The following SHANK2 variants were observed in gnomAD, a reference collection of about 807,000 sequenced individuals.
SHANK2 encodes the protein SH3 and multiple ankyrin repeat domains protein 2.
A neutral mutation model predicts 133.7 loss-of-function variants in SHANK2; 43 were observed. The observed-to-expected ratio is 0.32, with a 90% CI of 0.25 to 0.41. The LOEUF (loss-of-function observed/expected upper bound fraction) is 0.41, where lower values mean the gene tolerates loss of function less well. Ranked by LOEUF, SHANK2 falls within the 10% of genes least tolerant of loss-of-function variation. The probability of loss-of-function intolerance (pLI) is 1.00; values close to 1 mark genes in which losing one functional copy is unlikely to be tolerated. For synonymous variants in SHANK2, 1,017 were observed against 952.8 expected, an observed-to-expected ratio of 1.07 and a Z score of -1.24; for missense variants, 1,994 against 2,235.8, an observed-to-expected ratio of 0.89 and a Z score of 2.18.
intron 10 of SHANK2, chr11:70,908,093 C>T (rs1950134796): frequency 4.6e-6 from 1 of 218,412 alleles, no homozygotes; most frequent in East Asian, 1.4e-4. Context: ...GAGAGTCCAT[C>T]TCAAAAAAAA....
chr11:70,770,507 C>T (rs936523975), intron 14 of SHANK2, among the ~76,000 whole-genome samples: 1 of 152,220 alleles, frequency 6.6e-6, no homozygotes, highest in Non-Finnish European at 1.5e-5. Context: ...GTGCCTGGAG[C>T]GGCCAATGAG....
chr11:70,930,378 G>A (rs1392322042), intron 10 of SHANK2, among the ~76,000 whole-genome samples: 3 of 152,212 alleles, frequency 2.0e-5, no homozygotes, highest in Non-Finnish European at 4.4e-5. Flanking sequence ...ACCTTTAGAC[G>A]CAGTTACCAG....
At chr11:70,656,265 A>C (rs1205889426) in intron 17 of SHANK2, among the ~76,000 whole-genome samples, 4 of 152,138 alleles carry the variant, frequency 2.6e-5, no homozygotes, top group Non-Finnish European at 5.9e-5. Flanking sequence ...GCTTCCTGAC[A>C]AGCTCTAATC....
In SHANK2 at chr11:70,569,305, C is replaced by T. The variant is rs911401491; in HGVS notation, c.2062-66374G>A. 2.6e-5 allele frequency among the ~76,000 whole-genome samples: 4 copies of T among 152,172 alleles called. No homozygotes were observed. Among genetic ancestry groups the T allele is most frequent in the Admixed American group, 6.5e-5 (1 of 15,282 alleles). ...CGCTGGGGTCCTGGGGGGTCAGGCT[C>T]GGGAGCGTCTGGGGTGATCCTGCTC... is the stretch of plus-strand genomic sequence containing the variant. On this transcript the variant is annotated intron_variant, in intron 17 of 25. Coordinates refer to ENST00000601538, the MANE Select transcript of SHANK2 (RefSeq NM_012309.5). The surrounding 1 kb of genome is among the most constrained non-coding windows in gnomAD (Gnocchi z 5.1).
rs570831522 is a variant in SHANK2 at position 70,618,908 on chromosome 11, C to T, written c.2061+40920G>A. Among the ~76,000 whole-genome samples, 8 of 152,306 alleles carry T rather than the reference C, an allele frequency of 5.3e-5. No individual in the cohort carries two copies. The East Asian group carries it at 9.7e-4, about 18-fold the overall frequency. ...CCCTGAGAGGCGTATCCAGGGCAGG[C>T]GAGCTTCTCTGGGACAGGGGACACA... On this transcript the variant is annotated intron_variant, in intron 17 of 25. Coordinates refer to ENST00000601538, the MANE Select transcript of SHANK2 (RefSeq NM_012309.5).
intron 14 of SHANK2, among the ~76,000 whole-genome samples, chr11:70,749,223 A>T (rs1178031888): frequency 6.6e-6 from 1 of 152,200 alleles, no homozygotes; most frequent in Admixed American, 6.5e-5. Context: ...GTGAGAGGAG[A>T]GCCCTGGAGG....
chr11:71,107,848 A>C (rs571894366), intron 6 of SHANK2, among the ~76,000 whole-genome samples: 3 of 152,356 alleles, frequency 2.0e-5, no homozygotes, highest in African/African-American at 7.2e-5. Flanking sequence ...GGCTTGGCTC[A>C]GGACAGGGGC....
intron 14 of SHANK2, among the ~76,000 whole-genome samples, chr11:70,732,316 T>C (rs1444144098): frequency 2.6e-5 from 4 of 152,218 alleles, no homozygotes; most frequent in African/African-American, 9.6e-5. Context: ...GGACCCTTCT[T>C]GCTGCCCATT....
intron 17 of SHANK2, among the ~76,000 whole-genome samples, chr11:70,564,056 C>T (rs1554981366): frequency 1.3e-5 from 2 of 152,078 alleles, no homozygotes; most frequent in Non-Finnish European, 2.9e-5. Flanking sequence ...CTTTTATCCC[C>T]ATGTGGCTGC....
At chr11:71,127,923 A>G (rs189869188) in intron 3 of SHANK2, among the ~76,000 whole-genome samples, 7 of 152,340 alleles carry the variant, frequency 4.6e-5, no homozygotes, top group Admixed American at 2.6e-4. Context: ...GGCTGCATAC[A>G]ACCCCGCGCC....
At chr11:70,632,965 C>T (rs946995966) in intron 17 of SHANK2, among the ~76,000 whole-genome samples, 10 of 151,960 alleles carry the variant, frequency 6.6e-5, no homozygotes, top group African/African-American at 2.4e-4. Flanking sequence ...TTGATGGATA[C>T]GGGGCAGGGG....
intron 14 of SHANK2, among the ~76,000 whole-genome samples, chr11:70,788,616 T>C (rs1947720483): frequency 6.6e-6 from 1 of 152,056 alleles, no homozygotes; most frequent in African/African-American, 2.4e-5. Context: ...AGGCACCCAA[T>C]GGGGGTCTTG....
At chr11:70,815,173 GAAACACACACAC>G (rs1279010085) in intron 12 of SHANK2, among the ~76,000 whole-genome samples, 1 of 117,962 alleles carries the variant, frequency 8.5e-6, no homozygotes, top group African/African-American at 3.3e-5. Flanking sequence ...GATGGGAGAA[GAAACACACACAC>G]ACACACACAC....
At chr11:70,612,292 G>A (rs1476313004) in intron 17 of SHANK2, among the ~76,000 whole-genome samples, 1 of 152,198 alleles carries the variant, frequency 6.6e-6, no homozygotes, top group Non-Finnish European at 1.5e-5. Flanking sequence ...AAACGCAGAG[G>A]GGAAAGGAAG....
intron 17 of SHANK2, among the ~76,000 whole-genome samples, chr11:70,653,004 G>T (rs976222496): frequency 6.6e-6 from 1 of 151,834 alleles, no homozygotes; most frequent in African/African-American, 2.4e-5. Flanking sequence ...ATGGAGTCTC[G>T]CTCTGTCACC....
intron 17 of SHANK2, among the ~76,000 whole-genome samples, chr11:70,627,214 A>C (rs1404109570): frequency 4.6e-5 from 7 of 152,250 alleles, no homozygotes; most frequent in African/African-American, 1.7e-4. Context: ...GCAGGTCTCC[A>C]CCCTCCTGAA....
chr11:70,642,263 T>G (rs2061193527), intron 17 of SHANK2, among the ~76,000 whole-genome samples: 1 of 151,642 alleles, frequency 6.6e-6, no homozygotes, highest in African/African-American at 2.4e-5. Context: ...TGAGATAAAT[T>G]TTCTCGCCTA....
chr11:70,681,177 C>A (rs12294800), intron 15 of SHANK2, among the ~76,000 whole-genome samples: 9,093 of 152,218 alleles, frequency 0.06, 913 homozygotes, highest in African/African-American at 0.21. Context: ...CACACAGCGG[C>A]ACCGGCTCTG....
intron 3 of SHANK2, among the ~76,000 whole-genome samples, chr11:71,135,348 C>G (rs1374804460): frequency 6.6e-6 from 1 of 152,192 alleles, no homozygotes; most frequent in African/African-American, 2.4e-5. Flanking sequence ...AGCTGCCCCC[C>G]AGGCGCTTAG....
Sources: gnomAD v4.1 joint callset for allele counts (sites outside exome capture counted in the v4.1 genomes callset) on GRCh38, gnomAD v4.1.1 for gene constraint, Gnocchi (gnomAD v3.1) non-coding constraint, MANE v1.5 for transcripts, NCBI Gene and HGNC (gene_info 2026-07-23, HGNC 2026-07-21) for gene names.